The following GLCCI1 variants were observed in gnomAD, a reference collection of about 807,000 sequenced individuals.
GLCCI1 encodes the protein glucocorticoid-induced transcript 1 protein.
A neutral mutation model predicts 52.2 loss-of-function variants in GLCCI1; 24 were observed. The ratio of observed to expected loss-of-function variants is 0.46; its 90% CI spans 0.33 to 0.65. The LOEUF is 0.65. Ranked by LOEUF, GLCCI1 falls within the 30% of genes least tolerant of loss-of-function variation. The pLI is 0.02. For missense variants in GLCCI1, 704 were observed against 701.5 expected (o/e 1.00, Z -0.04); for synonymous variants, 310 against 276.5 (o/e 1.12, Z -1.20).
chr7:8,000,287 G>A lies in GLCCI1; in HGVS notation c.458-3621G>A, dbSNP rs549921679. ...TTTCCCAGTGTTGCTAAAATTAGTA[G>A]GTATTGCCTTTATAACCAGGAAAAA... On this transcript the variant is annotated intron_variant, in intron 1 of 7. Transcript: ENST00000223145. Among the ~76,000 whole-genome samples the A allele has an allele frequency of 4.6e-5, 7 of 152,162 alleles. No individual in the cohort carries two copies. In the South Asian group the frequency reaches 8.3e-4, roughly 18 times the overall value.
At chr7:7,981,030 G>T in intron 1 of GLCCI1, 1 of 497,220 alleles carries the variant, frequency 2.0e-6, no homozygotes. Flanking sequence ...AAGAAATAAA[G>T]GCAGAAAAAG....
intron 3 of GLCCI1, among the ~76,000 whole-genome samples, chr7:8,052,628 G>A (rs1782283974): frequency 6.6e-6 from 1 of 152,186 alleles, no homozygotes; most frequent in Non-Finnish European, 1.5e-5. Context: ...GGGCAGGAGT[G>A]GCATACTTCC....
chr7:8,024,238 A>G (rs979679478), intron 3 of GLCCI1, among the ~76,000 whole-genome samples: 3 of 152,276 alleles, frequency 2.0e-5, no homozygotes, highest in Non-Finnish European at 4.4e-5. Context: ...GTTTATTAGC[A>G]TGATTTTACT....
intron 2 of GLCCI1, among the ~76,000 whole-genome samples, chr7:8,005,906 C>G (rs951640961): frequency 1.2e-4 from 19 of 152,038 alleles, no homozygotes; most frequent in African/African-American, 4.3e-4. Context: ...TCAAGTGATT[C>G]TCCTGCCTCA....
At chr7:7,976,651 C>A (rs899405143) in intron 1 of GLCCI1, among the ~76,000 whole-genome samples, 1 of 151,820 alleles carries the variant, frequency 6.6e-6, no homozygotes, top group Non-Finnish European at 1.5e-5. Flanking sequence ...GTGGCTCACA[C>A]CTGTAATCCC....
At chr7:7,977,343 A>G (rs1780513369) in intron 1 of GLCCI1, among the ~76,000 whole-genome samples, 1 of 152,224 alleles carries the variant, frequency 6.6e-6, no homozygotes, top group African/African-American at 2.4e-5. Context: ...AACTGATTCT[A>G]TAAATTTGCT....
At chr7:8,031,711 A>G (rs920900679) in intron 3 of GLCCI1, among the ~76,000 whole-genome samples, 1 of 151,724 alleles carries the variant, frequency 6.6e-6, no homozygotes, top group African/African-American at 2.4e-5. Context: ...ATTTTTTTAA[A>G]TAAATATTTT....
rs181722346 is a variant in GLCCI1 at position 7,983,860 on chromosome 7, C to G, written c.457+14053C>G. 6.1e-3 allele frequency among the ~76,000 whole-genome samples: 933 copies of G among 152,248 alleles called. 6 individuals are homozygous for G. Among genetic ancestry groups the G allele is most frequent in the Non-Finnish European group, 9.2e-3 (625 of 67,988 alleles). ...ATTCAGTGGTAGTGGTGGAAAAACA[C>G]TGATTTAGACTTTCACACAAAATAA... On this transcript the variant is annotated intron_variant, in intron 1 of 7. Coordinates refer to ENST00000223145, the MANE Select transcript of GLCCI1 (RefSeq NM_138426.4).
chr7:7,969,503 C>T lies in GLCCI1; in HGVS notation c.153C>T (p.Cys51=). The T allele has an allele frequency of 1.1e-6, 1 of 950,374 alleles. No homozygotes were observed. The allele number at this position is 950,374 out of a possible 1,614,324, so 58.9% of individuals were successfully genotyped here. A position where few individuals can be genotyped will look rare whatever the true frequency, so the allele number is the denominator to read the frequency against. The change falls in exon 1 of 8, where the codon TGC becomes TGT. Residue 51 remains cysteine (C), a synonymous_variant. Transcript: ENST00000223145. The surrounding 1 kb of genome is among the most constrained non-coding windows in gnomAD (Gnocchi z 4.9). The part of the protein sequence containing the change: ...NGAGGGGGVG[C]APAAGAGRLL... The stretch of plus-strand genomic sequence containing the variant: ...CGGGCGGCGGCGGCGGCGTGGGCTG[C>T]GCCCCGGCTGCGGGAGCCGGCCGGC...
At chr7:8,075,596 A>G (rs778017350) in intron 6 of GLCCI1, among the ~76,000 whole-genome samples, 2 of 152,238 alleles carry the variant, frequency 1.3e-5, no homozygotes, top group Non-Finnish European at 2.9e-5. Context: ...ATGGTAGCCA[A>G]ACTGGTGCTG....
intron 4 of GLCCI1, among the ~76,000 whole-genome samples, chr7:8,058,337 A>G (rs2127959997): frequency 6.6e-6 from 1 of 152,330 alleles, no homozygotes; most frequent in Middle Eastern, 3.4e-3. Context: ...CCTGAAATTA[A>G]TGTACAAATT....
At chr7:8,044,881 G>GA (rs1782087340) in intron 3 of GLCCI1, among the ~76,000 whole-genome samples, 5 of 151,740 alleles carry the variant, frequency 3.3e-5, no homozygotes, top group Admixed American at 2.0e-4. Flanking sequence ...CATAGAAATA[G>GA]AAAAAAAAGT....
At chr7:8,060,283 C>T (rs753940438) in intron 5 of GLCCI1, 35 bp downstream of exon 5, 15 of 1,552,314 alleles carry the variant, frequency 9.7e-6, no homozygotes, top group Non-Finnish European at 1.3e-5. Context: ...TCCTTTTTTT[C>T]TCTGATATAA....
At chr7:7,981,692 A>T (rs1331319105) in intron 1 of GLCCI1, 1 of 246,288 alleles carries the variant, frequency 4.1e-6, no homozygotes, top group African/African-American at 2.3e-5. Flanking sequence ...AGAAGAAAAC[A>T]TGGATTTTAG....
chr7:8,065,568 T>TATGTTC (rs1782614589), intron 5 of GLCCI1, among the ~76,000 whole-genome samples: 1 of 152,202 alleles, frequency 6.6e-6, no homozygotes, highest in Non-Finnish European at 1.5e-5. Context: ...TATCTTGAAG[T>TATGTTC]ATGTTCCTTC....
At chr7:7,986,387 G>T (rs1037400181) in intron 1 of GLCCI1, among the ~76,000 whole-genome samples, 5 of 151,684 alleles carry the variant, frequency 3.3e-5, no homozygotes, top group East Asian at 1.9e-4. Flanking sequence ...GGGGAGGGGG[G>T]GGTGGCAGGC....
intron 2 of GLCCI1, among the ~76,000 whole-genome samples, chr7:8,017,099 C>T (rs1286448917): frequency 6.6e-6 from 1 of 152,180 alleles, no homozygotes; most frequent in African/African-American, 2.4e-5. Context: ...TCTATAGGTT[C>T]ATGTGCAGGA....
intron 1 of GLCCI1, among the ~76,000 whole-genome samples, chr7:7,997,393 C>G (rs117167387): frequency 6.6e-6 from 1 of 151,918 alleles, no homozygotes; most frequent in South Asian, 2.1e-4. Context: ...CTTAGTGAAC[C>G]AATAGCAGGA....
chr7:8,011,855 G>A (rs890186435), intron 2 of GLCCI1, among the ~76,000 whole-genome samples: 7 of 151,572 alleles, frequency 4.6e-5, no homozygotes, highest in Admixed American at 1.3e-4. Flanking sequence ...TCGCTGTGTC[G>A]CCCAGGCAGG....
Sources: gnomAD v4.1 joint callset for allele counts (sites outside exome capture counted in the v4.1 genomes callset) on GRCh38, gnomAD v4.1.1 for gene constraint, Gnocchi (gnomAD v3.1) non-coding constraint, MANE v1.5 for transcripts, NCBI Gene and HGNC (gene_info 2026-07-23, HGNC 2026-07-21) for gene names.